The following CHID1 variants were observed in gnomAD, a reference collection of about 807,000 sequenced individuals.
CHID1 encodes the protein chitinase domain-containing protein 1.
CHID1 carries 44 observed loss-of-function variants against 55.4 expected under a neutral mutation model. The observed-to-expected ratio is 0.79, with a 90% confidence interval of 0.62 to 1.02. The LOEUF (loss-of-function observed/expected upper bound fraction) is 1.02, where lower values mean the gene tolerates loss of function less well. CHID1 is among the 50% of genes least tolerant of loss of function. The pLI is 0.00. For missense variants in CHID1, 491 were observed against 515.3 expected, an observed-to-expected ratio of 0.95 and a Z score of 0.46; for synonymous variants, 216 against 212.9, an observed-to-expected ratio of 1.01 and a Z score of -0.13.
intron 7 of CHID1, 59 bp from the exon 8 acceptor site, chr11:893,578 C>T (rs1851013563): frequency 7.5e-7 from 1 of 1,337,554 alleles, no homozygotes; most frequent in Non-Finnish European, 1.0e-6. Context: ...TCCCAGGGTT[C>T]TGTGACACCC....
At chr11:888,773 G>A (rs1365169807) in intron 8 of CHID1, among the ~76,000 whole-genome samples, 1 of 151,858 alleles carries the variant, frequency 6.6e-6, no homozygotes, top group East Asian at 1.9e-4. Context: ...TGGACCCCGG[G>A]CCCACACCAA....
chr11:908,426 CT>C, intron 1 of CHID1: 1 of 234,470 alleles, frequency 4.3e-6, no homozygotes, highest in Non-Finnish European at 7.0e-6. Flanking sequence ...GCCACCTCCC[CT>C]TAGCCCCACT....
rs765466911 is a variant in CHID1 at position 883,213 on chromosome 11, C to A, written c.894G>T (p.Gly298=). ...CGTAGTCCATACCATAGAAGTTGAG[C>A]CCCAGGAGGATTTTGCTTCGCCACT... ...KSKWRSKILL[G]LNFYGMDYAT... The change falls in exon 10 of 13, where the codon GGG becomes GGT. Residue 298 remains glycine, a synonymous_variant. Transcript: ENST00000323578. 1.1e-5 allele frequency: 18 copies of A among 1,614,082 alleles called. No individual in the cohort carries two copies. The highest frequency in any genetic ancestry group is 1.6e-4 in the Middle Eastern group (1 of 6,084).
Position 904,865 on chromosome 11 carries a change from G to A in CHID1, c.-43-6C>T. On this transcript the variant is annotated splice_polypyrimidine_tract_variant and splice_region_variant and intron_variant, in intron 1 of 12. Coordinates refer to ENST00000323578, the MANE Select transcript of CHID1 (RefSeq NM_023947.4). ...CAACCTCGGGGTCCAGAGGGCTGCA[G>A]GGAAAGCAGAGCACATTCAAACAAC... 1 of 1,612,254 alleles carries A rather than the reference G, an allele frequency of 6.2e-7. No individual in the cohort carries two copies.
chr11:910,133 T>C (rs1440348731), intron 1 of CHID1, among the ~76,000 whole-genome samples: 2 of 151,786 alleles, frequency 1.3e-5, no homozygotes, highest in Non-Finnish European at 1.5e-5. Flanking sequence ...GGCTAAGAGA[T>C]TACTAGAGCC....
In CHID1 at chr11:910,539, A is replaced by C. The variant is rs1589918947; in HGVS notation, c.-44+236T>G. 1.2e-4 allele frequency: 93 copies of C among 807,894 alleles called. No individual in the cohort carries two copies. The South Asian group carries it at 1.5e-3, about 13-fold the overall frequency. 50.0% of individuals were successfully genotyped at this position (807,894 alleles called of 1,614,324 possible). A position where few individuals can be genotyped will look rare whatever the true frequency, so the allele number is the denominator to read the frequency against. ...GCGCCCCCGTCCACACTCGCCCTCC[A>C]CCCCCGCTCTCGCTCACCCTCGCTC... On this transcript the variant is annotated intron_variant, in intron 1 of 12. Coordinates refer to ENST00000323578, the MANE Select transcript of CHID1 (RefSeq NM_023947.4).
In CHID1 at chr11:893,382, C is replaced by T. The variant is rs1333202442; in HGVS notation, c.701+45G>A. The T allele has an allele frequency of 4.0e-6, 6 of 1,502,816 alleles. No homozygotes were observed. The African/African-American group carries it at 8.3e-5, about 21-fold the overall frequency. The allele number at this position is 1,502,816 out of a possible 1,614,324, so 93.1% of individuals were successfully genotyped here. A position where few individuals can be genotyped will look rare whatever the true frequency, so the allele number is the denominator to read the frequency against. On this transcript the variant is annotated intron_variant, in intron 8 of 12. Transcript: ENST00000323578. Reference sequence around the variant, plus strand: ...ACCCTGCACTGGCTGCCCCCGACCCCAGAGCCCTCCACAGCCACCCCCACA... The same window carrying T: ...ACCCTGCACTGGCTGCCCCCGACCCTAGAGCCCTCCACAGCCACCCCCACA...
rs114934309 is a variant in CHID1 at position 889,717 on chromosome 11, C to A, written c.701+3710G>T. Among the ~76,000 whole-genome samples the A allele has an allele frequency of 3.3e-5, 5 of 152,144 alleles. No homozygotes were observed. In the East Asian group the frequency reaches 7.7e-4, roughly 23 times the overall value. On this transcript the variant is annotated intron_variant, in intron 8 of 12. Transcript: ENST00000323578. ...ACAGCAGCCCTGAGGGAATGCCAGT[C>A]CCCAACCCTAACAGAGATGGTGGCA...
At chr11:877,089 CCTTT>C (rs1235478364) in intron 10 of CHID1, among the ~76,000 whole-genome samples, 1 of 152,158 alleles carries the variant, frequency 6.6e-6, no homozygotes, top group Non-Finnish European at 1.5e-5. Context: ...AGAAGCAGTG[CCTTT>C]CTTTCCTGAC....
At chr11:896,487 C>T (rs1265858725) in intron 7 of CHID1, among the ~76,000 whole-genome samples, 1 of 138,492 alleles carries the variant, frequency 7.2e-6, no homozygotes, top group South Asian at 2.3e-4. Context: ...CCAGCCTCCA[C>T]CCCAGACATG....
intron 7 of CHID1, among the ~76,000 whole-genome samples, chr11:894,189 G>T (rs1262672651): frequency 6.6e-6 from 1 of 150,418 alleles, no homozygotes; most frequent in Non-Finnish European, 1.5e-5. Flanking sequence ...GCAGGCCCAG[G>T]ACACTGATCC....
Position 884,095 on chromosome 11 carries a change from A to T in CHID1, c.776T>A (p.Met259Lys). 2 of 1,614,084 alleles carry T rather than the reference A, an allele frequency of 1.2e-6. No homozygotes were observed. Among genetic ancestry groups the T allele is most frequent in the Middle Eastern group, 1.6e-4 (1 of 6,062 alleles). Residue 259 changes from methionine (M) to lysine (K), a missense_variant, in exon 9 of 13, where the codon ATG becomes AAG. Coordinates refer to ENST00000323578, the MANE Select transcript of CHID1 (RefSeq NM_023947.4). ...LAPVLDGFSL[M>K]TYDYSTAHQP... is the part of the protein sequence containing the mutation. ...ATGCGCTGTAGAGTAGTCGTAGGTC[A>T]TGAGGCTGAAACCATCCAGCACGGG... is the stretch of plus-strand genomic sequence containing the variant.
At chr11:872,138 A>AC (rs1270566279) in intron 10 of CHID1, among the ~76,000 whole-genome samples, 5 of 152,156 alleles carry the variant, frequency 3.3e-5, no homozygotes, top group African/African-American at 1.2e-4. Context: ...AGCCTCCCCA[A>AC]CCCAGACAGT....
At chr11:893,040 G>A (rs1270876589) in intron 8 of CHID1, among the ~76,000 whole-genome samples, 1 of 152,228 alleles carries the variant, frequency 6.6e-6, no homozygotes, top group Non-Finnish European at 1.5e-5. Context: ...AGGTGCAGAG[G>A]GCTGGCAGCT....
chr11:876,638 T>C (rs1289224718), intron 10 of CHID1, among the ~76,000 whole-genome samples: 1 of 152,074 alleles, frequency 6.6e-6, no homozygotes, highest in Non-Finnish European at 1.5e-5. Context: ...TGGACTAGAG[T>C]GGGCGTGCCC....
intron 10 of CHID1, among the ~76,000 whole-genome samples, chr11:879,212 G>A (rs913749832): frequency 6.6e-6 from 1 of 152,008 alleles, no homozygotes; most frequent in Non-Finnish European, 1.5e-5. Flanking sequence ...GGCTGGTCTT[G>A]AACTCTTGAC....
chr11:875,851 TGACA>T lies in CHID1; in HGVS notation c.960-5356_960-5353del. ...GGCCTCCCAGACGTCCCCTGGCGGG[TGACA>T]GACAGGATGAAGGAACGATGGGCTC... On this transcript the variant is annotated intron_variant, in intron 10 of 12. Transcript: ENST00000323578. The surrounding 1 kb of genome is among the most constrained non-coding windows in gnomAD (Gnocchi z 4.7). Among the ~76,000 whole-genome samples, 1 of 151,574 alleles carries T rather than the reference TGACA, an allele frequency of 6.6e-6. No individual in the cohort carries two copies. The highest frequency in any genetic ancestry group is 1.5e-5 in the Non-Finnish European group (1 of 67,946).
chr11:887,000 G>A (rs1421112832), intron 8 of CHID1, among the ~76,000 whole-genome samples: 2 of 152,136 alleles, frequency 1.3e-5, no homozygotes, highest in Admixed American at 6.5e-5. Context: ...TCTCCTGCCC[G>A]CTGTTCTCTG....
chr11:893,576 TTC>T, intron 7 of CHID1, 57 bp from the exon 8 acceptor site: 1 of 1,355,860 alleles, frequency 7.4e-7, no homozygotes, highest in Non-Finnish European at 1.0e-6. Flanking sequence ...TCTCCCAGGG[TTC>T]TGTGACACCC....
Sources: gnomAD v4.1 joint callset for allele counts (sites outside exome capture counted in the v4.1 genomes callset) on GRCh38, gnomAD v4.1.1 for gene constraint, Gnocchi (gnomAD v3.1) non-coding constraint, MANE v1.5 for transcripts, NCBI Gene and HGNC (gene_info 2026-07-23, HGNC 2026-07-21) for gene names.